The following RABGAP1L variants were observed in gnomAD, a reference collection of about 807,000 sequenced individuals.
RABGAP1L encodes RAB GTPase activating protein 1 like.
In RABGAP1L, 63 loss-of-function variants were observed where a neutral mutation model predicts 137.7. The observed-to-expected ratio is 0.46, with a 90% CI of 0.37 to 0.56. The LOEUF (loss-of-function observed/expected upper bound fraction) is 0.56. Ranked by LOEUF, RABGAP1L falls within the 20% of genes least tolerant of loss-of-function variation. The pLI is 0.00. For missense variants in RABGAP1L, 1,095 were observed against 1,244.0 expected (o/e 0.88, Z 1.80); for synonymous variants, 431 against 433.7 (o/e 0.99, Z 0.08).
At chr1:174,552,094 T>A (rs1172165610) in intron 13 of RABGAP1L, among the ~76,000 whole-genome samples, 1 of 152,234 alleles carries the variant, frequency 6.6e-6, no homozygotes, top group Non-Finnish European at 1.5e-5. Context: ...TAATACATGT[T>A]TAACAACATT....
chr1:174,720,058 A>G (rs577523661), intron 17 of RABGAP1L, among the ~76,000 whole-genome samples: 154 of 152,324 alleles, frequency 1.0e-3, no homozygotes, highest in Non-Finnish European at 1.8e-3. Context: ...AAAACTTACT[A>G]CAAAGCTATA....
At chr1:174,215,489 T>A (rs1669231206) in intron 1 of RABGAP1L, among the ~76,000 whole-genome samples, 1 of 150,776 alleles carries the variant, frequency 6.6e-6, no homozygotes. Flanking sequence ...TAAAATAAAA[T>A]CTAATTTAAA....
At chr1:174,454,092 A>G (rs557612049) in intron 13 of RABGAP1L, among the ~76,000 whole-genome samples, 1 of 152,192 alleles carries the variant, frequency 6.6e-6, no homozygotes, top group Non-Finnish European at 1.5e-5. Context: ...GTGAAATCCC[A>G]TCTCTACTAA....
intron 15 of RABGAP1L, among the ~76,000 whole-genome samples, 175 bp downstream of exon 15, chr1:174,683,771 A>C (rs529971014): frequency 2.0e-5 from 3 of 152,336 alleles, no homozygotes; most frequent in African/African-American, 7.2e-5. Flanking sequence ...AAAATACGAC[A>C]GTTTCTCAAT....
At chr1:174,612,336 C>A (rs533270630) in intron 13 of RABGAP1L, among the ~76,000 whole-genome samples, 59 of 152,254 alleles carry the variant, frequency 3.9e-4, no homozygotes, top group Non-Finnish European at 6.9e-4. Context: ...ATCTTTGGTT[C>A]TGTTTATATG....
intron 17 of RABGAP1L, among the ~76,000 whole-genome samples, chr1:174,708,048 A>T (rs1680181207): frequency 6.6e-6 from 1 of 152,164 alleles, no homozygotes; most frequent in Admixed American, 6.5e-5. Context: ...AAATATGTTC[A>T]GCTTTATATA....
chr1:174,971,012 T>C (rs1268777344), intron 21 of RABGAP1L, among the ~76,000 whole-genome samples: 2 of 151,796 alleles, frequency 1.3e-5, no homozygotes, highest in East Asian at 1.9e-4. Flanking sequence ...GGTCATCCTA[T>C]AGGGAAGGGG....
chr1:174,783,704 C>CTT (rs1558074590), intron 18 of RABGAP1L, among the ~76,000 whole-genome samples: 2 of 115,152 alleles, frequency 1.7e-5, no homozygotes, highest in African/African-American at 6.1e-5. Context: ...TCTTCTTCTT[C>CTT]TTCTTTTTTT....
chr1:174,359,257 T>C (rs533361522), intron 11 of RABGAP1L, among the ~76,000 whole-genome samples: 2 of 152,312 alleles, frequency 1.3e-5, no homozygotes, highest in South Asian at 2.1e-4. Flanking sequence ...TTCATTCTTA[T>C]TTCCTTTTTA....
Position 174,351,069 on chromosome 1 carries a change from GGGGGGAGGGGGA to G in RABGAP1L, c.1466-19887_1466-19876del, listed in dbSNP as rs1167896547. ...CGGCTCCGCATGAGAGGGAGACCGTGGGGGGAGGGGGAGGGGGAGGGGGAGGGGGAGGGGTTG... is the reference window on the plus strand; with the variant it reads ...CGGCTCCGCATGAGAGGGAGACCGTGGGGGGAGGGGGAGGGGGAGGGGTTG... On this transcript the variant is annotated intron_variant, in intron 11 of 25. Transcript: ENST00000681986. 1.0e-3 allele frequency among the ~76,000 whole-genome samples: 100 copies of G among 96,346 alleles called. 2 individuals carry two copies. Among genetic ancestry groups the G allele is most frequent in the East Asian group, 7.3e-3 (29 of 3,986 alleles). The allele number at this position is 96,346 out of a possible 152,430, so 63.2% of individuals were successfully genotyped here.
chr1:174,304,068 A>G (rs2148766971), intron 10 of RABGAP1L, among the ~76,000 whole-genome samples: 1 of 152,216 alleles, frequency 6.6e-6, no homozygotes, highest in South Asian at 2.1e-4. Context: ...GATACTCTTT[A>G]TCAGGTTGAG....
chr1:174,296,699 A>G (rs1205196843), intron 10 of RABGAP1L, among the ~76,000 whole-genome samples: 3 of 152,200 alleles, frequency 2.0e-5, no homozygotes, highest in African/African-American at 7.2e-5. Context: ...TGTCAATTCA[A>G]AGTTTTTTTA....
At chr1:174,493,346 G>A (rs535432529) in intron 13 of RABGAP1L, among the ~76,000 whole-genome samples, 1 of 150,958 alleles carries the variant, frequency 6.6e-6, no homozygotes, top group South Asian at 2.1e-4. Flanking sequence ...GGGCAACAGA[G>A]CAGAGAAAAA....
intron 13 of RABGAP1L, among the ~76,000 whole-genome samples, chr1:174,602,011 C>T (rs1335102633): frequency 6.6e-6 from 1 of 152,180 alleles, no homozygotes; most frequent in Non-Finnish European, 1.5e-5. Flanking sequence ...CAAAGCTATT[C>T]AACAAGTCTC....
chr1:174,680,285 C>G (rs1464832896), intron 14 of RABGAP1L, among the ~76,000 whole-genome samples: 5 of 152,144 alleles, frequency 3.3e-5, no homozygotes, highest in Non-Finnish European at 5.9e-5. Flanking sequence ...GTGATTGCAT[C>G]ATGAGGGCGG....
chr1:174,663,435 G>A (rs1198814460), intron 14 of RABGAP1L, among the ~76,000 whole-genome samples: 2 of 152,108 alleles, frequency 1.3e-5, no homozygotes. Context: ...GAGAAGCAAC[G>A]AGCTATACCA....
chr1:174,783,635 T>C (rs529816569), intron 18 of RABGAP1L, among the ~76,000 whole-genome samples: 3 of 152,218 alleles, frequency 2.0e-5, no homozygotes, highest in Non-Finnish European at 4.4e-5. Flanking sequence ...AAATTAGTAC[T>C]GCCATTCTCT....
At chr1:174,597,045 C>T (rs544496846) in intron 13 of RABGAP1L, among the ~76,000 whole-genome samples, 3 of 152,064 alleles carry the variant, frequency 2.0e-5, no homozygotes, top group Non-Finnish European at 2.9e-5. Context: ...TTGAACCATC[C>T]TTACATCCTG....
intron 13 of RABGAP1L, among the ~76,000 whole-genome samples, chr1:174,603,051 T>C (rs1242196403): frequency 6.6e-6 from 1 of 152,098 alleles, no homozygotes; most frequent in Non-Finnish European, 1.5e-5. Context: ...ATTTGTTTTA[T>C]TGTTTGCAGC....
Sources: allele counts gnomAD v4.1 joint callset (sites outside exome capture counted in the v4.1 genomes callset), GRCh38; gene constraint gnomAD v4.1.1; transcripts MANE v1.5; gene names NCBI Gene and HGNC (gene_info 2026-07-23, HGNC 2026-07-21).